Variants in ATXN10 observed in about 807,000 individuals in gnomAD.
ATXN10 encodes ataxin 10.
In ATXN10, 28 loss-of-function variants were observed where a neutral mutation model predicts 52.9. That is an observed-to-expected ratio of 0.53 (90% CI 0.39 to 0.73). ATXN10 has a LOEUF of 0.73. Ranked by LOEUF, ATXN10 falls within the 30% of genes least tolerant of loss-of-function variation. The probability of loss-of-function intolerance (pLI) is 0.00; values close to 1 mark genes in which losing one functional copy is unlikely to be tolerated. For missense variants in ATXN10, 565 were observed against 577.0 expected (o/e 0.98, Z 0.21); for synonymous variants, 226 against 221.5 (o/e 1.02, Z -0.18).
chr22:45,700,087 C>T (rs997509547), intron 3 of ATXN10, among the ~76,000 whole-genome samples, 195 bp from the exon 4 acceptor site: 1 of 152,202 alleles, frequency 6.6e-6, no homozygotes, highest in African/African-American at 2.4e-5. Flanking sequence ...GCTGGGATTA[C>T]AGGCGTGAGC....
At position 45,824,408 on chromosome 22, in the gene ATXN10, T is replaced by C. The variant is rs16994576; in HGVS notation, c.1237+17386T>C. On this transcript the variant is annotated intron_variant, in intron 10 of 11. Transcript: ENST00000252934. The surrounding 1 kb of genome is among the most constrained non-coding windows in gnomAD (Gnocchi z 5.2). ...TAACATTGTAGCTTTTATAGTACTT[T>C]GTAATTATGTGTTTATTTCTCTGCA... Among the ~76,000 whole-genome samples the C allele has an allele frequency of 5.3e-3, 809 of 152,340 alleles. 24 individuals carry two copies. The East Asian group carries it at 0.063, about 12-fold the overall frequency.
At position 45,681,346 on chromosome 22, in the gene ATXN10, C is replaced by G. The variant is rs763962596; in HGVS notation, c.117-8366C>G. Among the ~76,000 whole-genome samples, 25 of 152,248 alleles carry G rather than the reference C, an allele frequency of 1.6e-4. No individual in the cohort carries two copies. Among genetic ancestry groups the G allele is most frequent in the Non-Finnish European group, 2.6e-4 (18 of 68,014 alleles). The stretch of plus-strand genomic sequence containing the variant: ...ATCCATAACTGTAGCTGCCTTCCCC[C>G]ACAATCTCGAGTCCCAATCCCTGTT... On this transcript the variant is annotated intron_variant, in intron 1 of 11. Coordinates refer to ENST00000252934, the MANE Select transcript of ATXN10 (RefSeq NM_013236.4). This position sits in a 1 kb window ranked among gnomAD's most constrained non-coding sequence, Gnocchi z 4.2.
At chr22:45,687,180 C>G (rs1040546015) in intron 1 of ATXN10, among the ~76,000 whole-genome samples, 1 of 152,152 alleles carries the variant, frequency 6.6e-6, no homozygotes, top group African/African-American at 2.4e-5. Context: ...GCATATATAA[C>G]AAATTACCAT....
At chr22:45,698,749 G>A (rs768922450) in intron 3 of ATXN10, among the ~76,000 whole-genome samples, 2 of 152,142 alleles carry the variant, frequency 1.3e-5, no homozygotes, top group Non-Finnish European at 1.5e-5. Flanking sequence ...CCTTGAAAAC[G>A]GCAGCTAGTG....
At chr22:45,785,377 G>T (rs1927287642) in intron 9 of ATXN10, among the ~76,000 whole-genome samples, 1 of 152,182 alleles carries the variant, frequency 6.6e-6, no homozygotes, top group African/African-American at 2.4e-5. Flanking sequence ...CTGTCTTAAA[G>T]AAATGACAGT....
At chr22:45,796,069 G>A (rs1343557217) in intron 9 of ATXN10, among the ~76,000 whole-genome samples, 1 of 152,218 alleles carries the variant, frequency 6.6e-6, no homozygotes, top group East Asian at 1.9e-4. Flanking sequence ...TTCAGAAAGT[G>A]ACTAGGAGAA....
chr22:45,730,528 G>C (rs751252913), intron 7 of ATXN10, among the ~76,000 whole-genome samples: 18 of 152,050 alleles, frequency 1.2e-4, no homozygotes, highest in African/African-American at 1.7e-4. Context: ...CTGCCTCCTG[G>C]GTTCAGTCAA....
In ATXN10 at chr22:45,818,810, A is replaced by G. The variant is rs1928550981; in HGVS notation, c.1237+11788A>G. 6.6e-6 allele frequency among the ~76,000 whole-genome samples: 1 copy of G among 152,012 alleles called. No homozygotes were observed. Among genetic ancestry groups the G allele is most frequent in the Admixed American group, 6.6e-5 (1 of 15,262 alleles). ...GGCCACCATGTAACATTTATTTGAA[A>G]ACAGAAACAAAACTGTATGTGGACA... On this transcript the variant is annotated intron_variant, in intron 10 of 11. Coordinates refer to ENST00000252934, the MANE Select transcript of ATXN10 (RefSeq NM_013236.4). This position sits in a 1 kb window ranked among gnomAD's most constrained non-coding sequence, Gnocchi z 4.6.
In ATXN10 at chr22:45,712,652, A is replaced by G. The variant is rs1282657181; in HGVS notation, c.648-5761A>G. ...TGCGTGTGTGTAATACGTTTCCCCCAGTGCCTGGCACATGTAGATTCAGGA... is the reference window on the plus strand; with the variant it reads ...TGCGTGTGTGTAATACGTTTCCCCCGGTGCCTGGCACATGTAGATTCAGGA... On this transcript the variant is annotated intron_variant, in intron 5 of 11. Coordinates refer to ENST00000252934, the MANE Select transcript of ATXN10 (RefSeq NM_013236.4). The surrounding 1 kb of genome is among the most constrained non-coding windows in gnomAD (Gnocchi z 4.6). 6.6e-6 allele frequency among the ~76,000 whole-genome samples: 1 copy of G among 152,170 alleles called. No homozygotes were observed. Among genetic ancestry groups the G allele is most frequent in the African/African-American group, 2.4e-5 (1 of 41,446 alleles).
At chr22:45,698,602 C>T (rs554934747) in intron 3 of ATXN10, among the ~76,000 whole-genome samples, 9 of 152,144 alleles carry the variant, frequency 5.9e-5, no homozygotes, top group Non-Finnish European at 1.3e-4. Context: ...TGGAACATCT[C>T]TCTATTTATT....
chr22:45,682,013 C>G (rs889529967), intron 1 of ATXN10, among the ~76,000 whole-genome samples: 2 of 152,208 alleles, frequency 1.3e-5, no homozygotes, highest in Admixed American at 6.5e-5. Flanking sequence ...TAAGTTTGCA[C>G]TAAATTCCAT....
chr22:45,731,305 A>T (rs1925080726), intron 7 of ATXN10, among the ~76,000 whole-genome samples: 1 of 152,228 alleles, frequency 6.6e-6, no homozygotes, highest in African/African-American at 2.4e-5. Context: ...CATGACAGAA[A>T]ATAGATCAGA....
At chr22:45,801,659 A>C (rs1215856127) in intron 9 of ATXN10, among the ~76,000 whole-genome samples, 1 of 152,190 alleles carries the variant, frequency 6.6e-6, no homozygotes, top group Admixed American at 6.5e-5. Flanking sequence ...GAATAACCCC[A>C]TATCTACCAA....
chr22:45,696,145 G>A lies in ATXN10; in HGVS notation c.391+3067G>A, dbSNP rs1268752947. ...AGGATGTAGGATTTAGTTGTGAAAT[G>A]TTTTTACGATATTATATATTTAAAG... On this transcript the variant is annotated intron_variant, in intron 3 of 11. Coordinates refer to ENST00000252934, the MANE Select transcript of ATXN10 (RefSeq NM_013236.4). The surrounding 1 kb of genome is among the most constrained non-coding windows in gnomAD (Gnocchi z 4.7). Among the ~76,000 whole-genome samples, 1 of 152,088 alleles carries A rather than the reference G, an allele frequency of 6.6e-6. No homozygotes were observed. Among genetic ancestry groups the A allele is most frequent in the African/African-American group, 2.4e-5 (1 of 41,394 alleles).
chr22:45,694,822 G>C (rs935630915), intron 3 of ATXN10, among the ~76,000 whole-genome samples: 1 of 149,620 alleles, frequency 6.7e-6, no homozygotes, highest in Non-Finnish European at 1.5e-5. Flanking sequence ...CACGCCTGTA[G>C]TCGCAGCTAC....
intron 9 of ATXN10, among the ~76,000 whole-genome samples, chr22:45,758,714 G>T (rs557609581): frequency 1.3e-5 from 2 of 152,258 alleles, no homozygotes; most frequent in African/African-American, 2.4e-5. Context: ...CGGAGCGCCA[G>T]GAGCTGTAAC....
chr22:45,739,202 G>T (rs1014024116), intron 8 of ATXN10, among the ~76,000 whole-genome samples: 1 of 152,140 alleles, frequency 6.6e-6, no homozygotes, highest in African/African-American at 2.4e-5. Flanking sequence ...GTAAAATGTG[G>T]CAGTAAATTT....
Position 45,763,929 on chromosome 22 carries a change from C to T in ATXN10, c.1173+23391C>T, listed in dbSNP as rs1926489243. On this transcript the variant is annotated intron_variant, in intron 9 of 11. Transcript: ENST00000252934. This position sits in a 1 kb window ranked among gnomAD's most constrained non-coding sequence, Gnocchi z 6.9. ...CCTCCCCCAGTGTCTTCCAGGCCCC[C>T]TTCTTATCTAAGGCTGCTACGTGTT... 6.6e-6 allele frequency among the ~76,000 whole-genome samples: 1 copy of T among 151,458 alleles called. No individual in the cohort carries two copies. Among genetic ancestry groups the T allele is most frequent in the East Asian group, 2.0e-4 (1 of 5,084 alleles).
At chr22:45,737,229 G>T (rs572364365) in intron 7 of ATXN10, among the ~76,000 whole-genome samples, 1 of 152,314 alleles carries the variant, frequency 6.6e-6, no homozygotes, top group East Asian at 1.9e-4. Flanking sequence ...AGTTGTTTCT[G>T]ATTCCGAATT....
Sources: allele counts gnomAD v4.1 joint callset (sites outside exome capture counted in the v4.1 genomes callset), GRCh38; gene constraint gnomAD v4.1.1; non-coding constraint Gnocchi (gnomAD v3.1); transcripts MANE v1.5; gene names NCBI Gene and HGNC (gene_info 2026-07-23, HGNC 2026-07-21).